The following ERICH3 variants were observed in gnomAD, a reference collection of about 807,000 sequenced individuals.
The protein encoded by ERICH3 is glutamate-rich protein 3.
A neutral mutation model predicts 131.1 loss-of-function variants in ERICH3; 126 were observed. The ratio of observed to expected loss-of-function variants is 0.96; its 90% CI spans 0.83 to 1.11. The LOEUF (loss-of-function observed/expected upper bound fraction) is 1.11, where lower values mean the gene tolerates loss of function less well. Among genes scored for constraint, ERICH3 ranks in the 50% most tolerant of loss-of-function variants. The pLI, the probability that ERICH3 is intolerant of heterozygous loss-of-function variation, is 0.00. For synonymous variants in ERICH3, 695 were observed against 644.6 expected (o/e 1.08, Z -1.18); for missense variants, 2,050 against 1,810.7 (o/e 1.13, Z -2.40).
chr1:74,663,507 C>A (rs1246803983), intron 1 of ERICH3, among the ~76,000 whole-genome samples: 1 of 151,764 alleles, frequency 6.6e-6, no homozygotes, highest in African/African-American at 2.4e-5. Flanking sequence ...TCAAATACAC[C>A]CTTTCCTACT....
chr1:74,612,880 T>G, intron 8 of ERICH3, 71 bp from the exon 9 acceptor site: 1 of 1,316,114 alleles, frequency 7.6e-7, no homozygotes, highest in East Asian at 2.4e-5. Flanking sequence ...ATCATGTTTT[T>G]CTATTAGATA....
chr1:74,571,731 G>T lies in ERICH3; in HGVS notation c.3979C>A (p.Gln1327Lys). 6.2e-7 allele frequency: 1 copy of T among 1,614,024 alleles called. No individual in the cohort carries two copies. Among genetic ancestry groups the T allele is most frequent in the South Asian group, 1.1e-5 (1 of 91,064 alleles). The change falls in exon 14 of 15, where the codon CAA becomes AAA. Residue 1327 changes from glutamine to lysine, a missense_variant. Gln to Lys is a moderately conservative substitution (Grantham distance 53). Transcript: ENST00000326665. ...DGDMEGEGNT[Q>K]KNEGMGGGRV... ...CCTCCTCCCATGCCCTCATTCTTTT[G>T]TGTGTTTCCTTCTCCTTCCATGTCC...
intron 7 of ERICH3, among the ~76,000 whole-genome samples, chr1:74,629,679 T>G (rs1044415276): frequency 1.3e-5 from 2 of 152,154 alleles, no homozygotes; most frequent in African/African-American, 4.8e-5. Flanking sequence ...CTTGACACAC[T>G]CATGACCTGA....
At chr1:74,651,992 T>C (rs983443974) in intron 1 of ERICH3, among the ~76,000 whole-genome samples, 1 of 152,148 alleles carries the variant, frequency 6.6e-6, no homozygotes, top group Non-Finnish European at 1.5e-5. Context: ...TCCAGTTGGG[T>C]TGAAACCTTT....
chr1:74,573,473 A>T lies in ERICH3; in HGVS notation c.2237T>A (p.Met746Lys). Residue 746 changes from methionine to lysine, a missense_variant, in exon 14 of 15, where the codon ATG becomes AAG. Met to Lys is a moderately conservative substitution (Grantham distance 95). Coordinates refer to ENST00000326665, the MANE Select transcript of ERICH3 (RefSeq NM_001002912.5). ...GTTGATTGCTGCTGTTTCATCCACC[A>T]TGAAATTCATTGTTGGTGCTATAAA... Reference protein sequence around the residue: ...LALGAPTMNFMVDETAAINSN... With the variant: ...LALGAPTMNFKVDETAAINSN... The T allele has an allele frequency of 6.6e-7, 1 of 1,517,236 alleles. No homozygotes were observed. 94.0% of individuals were successfully genotyped at this position (1,517,236 alleles called of 1,614,324 possible).
rs115338012 is a variant in ERICH3 at position 74,662,613 on chromosome 1, A to G, written c.23+10884T>C. Among the ~76,000 whole-genome samples the G allele has an allele frequency of 4.4e-3, 674 of 152,328 alleles. 3 individuals carry two copies. Among genetic ancestry groups the G allele is most frequent in the African/African-American group, 0.015 (637 of 41,584 alleles). ...GGTATGTACAGTTAGTGTTCTACTC[A>G]AGGTTCCAAAAACTAAGTAAGACAC... is the stretch of plus-strand genomic sequence containing the variant. On this transcript the variant is annotated intron_variant, in intron 1 of 14. Coordinates refer to ENST00000326665, the MANE Select transcript of ERICH3 (RefSeq NM_001002912.5).
intron 1 of ERICH3, among the ~76,000 whole-genome samples, chr1:74,659,331 T>C (rs1226928449): frequency 6.6e-6 from 1 of 152,018 alleles, no homozygotes; most frequent in Non-Finnish European, 1.5e-5. Flanking sequence ...CGCATGTGTG[T>C]GTGTGTGTGT....
chr1:74,604,849 G>T (rs1193040079), intron 10 of ERICH3, among the ~76,000 whole-genome samples: 1 of 151,892 alleles, frequency 6.6e-6, no homozygotes, highest in Admixed American at 6.6e-5. Context: ...AGGATTTTTT[G>T]AATGCTAAAT....
chr1:74,570,360 G>C lies in ERICH3; in HGVS notation c.*98C>G, dbSNP rs1341672318. The stretch of plus-strand genomic sequence containing the variant: ...AACCAGCAACTAAAGAGGAGAGAGA[G>C]AAAATCAAGAATCCTGGTGAGATGC... On this transcript the variant is annotated 3_prime_UTR_variant, in exon 15 of 15. Transcript: ENST00000326665. 6.6e-6 allele frequency: 1 copy of C among 152,132 alleles called. No homozygotes were observed. Among genetic ancestry groups the C allele is most frequent in the Admixed American group, 6.6e-5 (1 of 15,260 alleles). The allele number at this position is 152,132 out of a possible 1,614,324, so 9.4% of individuals were successfully genotyped here.
At chr1:74,673,951 C>G (rs1409134123), upstream of ERICH3, among the ~76,000 whole-genome samples, 5 of 152,202 alleles carry the variant, frequency 3.3e-5, no homozygotes, top group South Asian at 1.0e-3. Context: ...CGTGCACACA[C>G]ACAGGCACAC....
intron 12 of ERICH3, chr1:74,577,633 C>T (rs1341494821): frequency 6.6e-6 from 1 of 152,080 alleles, no homozygotes; most frequent in Admixed American, 6.5e-5. Flanking sequence ...GCATAAACAA[C>T]TCCCAAGCTA....
intron 1 of ERICH3, among the ~76,000 whole-genome samples, chr1:74,660,381 A>T (rs1646629048): frequency 1.3e-5 from 2 of 151,736 alleles, no homozygotes. Context: ...GTATTATTAA[A>T]CTGTAAATTG....
chr1:74,605,305 T>C (rs696701), intron 10 of ERICH3, among the ~76,000 whole-genome samples: 105,359 of 151,798 alleles, frequency 0.69, 37,745 homozygotes, highest in African/African-American at 0.88. Flanking sequence ...GATCTTCTAT[T>C]GAGACCGCTA....
chr1:74,632,018 C>G, intron 6 of ERICH3, 90 bp from the exon 7 acceptor site: 1 of 1,167,868 alleles, frequency 8.6e-7, no homozygotes, highest in South Asian at 1.5e-5. Context: ...AAATGATTGA[C>G]ATTGCATGCA....
At chr1:74,591,934 A>G (rs898017159) in intron 11 of ERICH3, 2 of 151,958 alleles carry the variant, frequency 1.3e-5, no homozygotes, top group African/African-American at 4.8e-5. Context: ...TCCATTTGGC[A>G]GCTGTACCGA....
Position 74,571,144 on chromosome 1 carries a change from A to C in ERICH3, c.4566T>G (p.Asp1522Glu), listed in dbSNP as rs1292866789. 1 of 1,613,930 alleles carries C rather than the reference A, an allele frequency of 6.2e-7. No individual in the cohort carries two copies. The highest frequency in any genetic ancestry group is 1.1e-5 in the South Asian group (1 of 91,074). The change falls in exon 14 of 15, where the codon GAT becomes GAG. Residue 1522 changes from aspartate to glutamate, a missense_variant. Transcript: ENST00000326665. Reference sequence around the variant, plus strand: ...AGACCTGCACGTTGTTGGGGGAAACATCTGCAGTCTCGCTTTCTCCTTGCA... The same window carrying C: ...AGACCTGCACGTTGTTGGGGGAAACCTCTGCAGTCTCGCTTTCTCCTTGCA... ...HMVQGESETA[D>E]VSPNNVQV is the part of the protein sequence containing the mutation.
chr1:74,657,826 A>G (rs1032928902), intron 1 of ERICH3, among the ~76,000 whole-genome samples: 3 of 152,134 alleles, frequency 2.0e-5, no homozygotes, highest in Non-Finnish European at 4.4e-5. Context: ...TATACCATGA[A>G]TTCTTCTCTT....
At chr1:74,593,661 C>G (rs1647712003) in intron 11 of ERICH3, among the ~76,000 whole-genome samples, 1 of 151,984 alleles carries the variant, frequency 6.6e-6, no homozygotes, top group Admixed American at 6.6e-5. Flanking sequence ...AAAGATAAAA[C>G]CAATCATGAT....
At chr1:74,674,272 G>A (rs561785429), upstream of ERICH3, among the ~76,000 whole-genome samples, 5 of 152,264 alleles carry the variant, frequency 3.3e-5, no homozygotes, top group African/African-American at 1.2e-4. Context: ...AGATGGGGGA[G>A]ACGCAGTTAT....
Sources: allele counts gnomAD v4.1 joint callset (sites outside exome capture counted in the v4.1 genomes callset), GRCh38; gene constraint gnomAD v4.1.1; transcripts MANE v1.5; gene names NCBI Gene and HGNC (gene_info 2026-07-23, HGNC 2026-07-21).